VSIG10: variants seen among roughly 807,000 people sequenced by gnomAD.
VSIG10 encodes V-set and immunoglobulin domain containing 10.
Under a neutral mutation model 58.7 loss-of-function variants are expected in VSIG10, and 48 were observed. That is an observed-to-expected ratio of 0.82 (90% confidence interval 0.65 to 1.04). The LOEUF (loss-of-function observed/expected upper bound fraction) is 1.04. VSIG10 is among the 50% of genes least tolerant of loss of function. The pLI, the probability that VSIG10 is intolerant of heterozygous loss-of-function variation, is 0.00. For missense variants in VSIG10, 628 were observed against 670.0 expected, an observed-to-expected ratio of 0.94 and a Z score of 0.69; for synonymous variants, 260 against 267.1, an observed-to-expected ratio of 0.97 and a Z score of 0.26.
At chr12:118,070,365 T>C (rs192559723) in intron 7 of VSIG10, among the ~76,000 whole-genome samples, 54 of 151,926 alleles carry the variant, frequency 3.6e-4, no homozygotes, top group African/African-American at 1.2e-3. Context: ...CTGGGCAACA[T>C]GGTGAAACCC....
chr12:118,066,791 C>G, intron 8 of VSIG10, 97 bp from the exon 9 acceptor site: 3 of 1,326,838 alleles, frequency 2.3e-6, no homozygotes, highest in Non-Finnish European at 3.1e-6. Context: ...TAGTCCTTTC[C>G]TGGTGAGCCA....
rs188032041 is a variant in VSIG10, at chr12:118,076,891, G to A, written c.925+2455C>T. Among the ~76,000 whole-genome samples the A allele has an allele frequency of 6.6e-4, 100 of 151,990 alleles. 1 individual carries two copies. Among genetic ancestry groups the A allele is most frequent in the African/African-American group, 2.2e-3 (92 of 41,450 alleles). On this transcript the variant is annotated intron_variant, in intron 4 of 8. Transcript: ENST00000359236. ...CCAGGCTGGTCTCGAATTCCTAGCC[G>A]TAAGCTATCCTCCTGCCTCTGACTC...
intron 3 of VSIG10, 34 bp from the exon 4 acceptor site, chr12:118,079,640 C>A: frequency 6.2e-7 from 1 of 1,609,808 alleles, no homozygotes; most frequent in South Asian, 1.1e-5. Flanking sequence ...TGGGCTGAAT[C>A]ACAGACTCTA....
Position 118,079,568 on chromosome 12 carries a change from C to T in VSIG10, c.703G>A (p.Ala235Thr), listed in dbSNP as rs757127338. Residue 235 changes from alanine to threonine, a missense_variant, in exon 4 of 9, where the codon GCA becomes ACA. Transcript: ENST00000359236. The part of the protein sequence containing the change: ...PSAPQCWAQM[A>T]SGSFMLQLTC... The stretch of plus-strand genomic sequence containing the variant: ...AGCTGCAACATGAACGATCCTGATG[C>T]CATCTGTGCCCAGCACTGGGGAGCT... 1 of 1,614,026 alleles carries T rather than the reference C, an allele frequency of 6.2e-7. No individual in the cohort carries two copies. The highest frequency in any genetic ancestry group is 8.5e-7 in the Non-Finnish European group (1 of 1,179,904).
Position 118,067,166 on chromosome 12 carries a change from A to G in VSIG10, c.1568-472T>C, listed in dbSNP as rs550027410. 2.0e-5 allele frequency among the ~76,000 whole-genome samples: 3 copies of G among 152,152 alleles called. No homozygotes were observed. The South Asian group carries it at 6.2e-4, about 32-fold the overall frequency. ...CAGCCTCCCAAGTAGCTGGGGCTAC[A>G]GGTACATGCCACACACCCAGCTAAT... is the stretch of plus-strand genomic sequence containing the variant. On this transcript the variant is annotated intron_variant, in intron 8 of 8. Coordinates refer to ENST00000359236, the MANE Select transcript of VSIG10 (RefSeq NM_019086.6).
At chr12:118,082,603 C>T (rs1476276936) in intron 2 of VSIG10, among the ~76,000 whole-genome samples, 174 bp from the exon 3 acceptor site, 3 of 152,084 alleles carry the variant, frequency 2.0e-5, no homozygotes, top group Admixed American at 2.0e-4. Flanking sequence ...TCATTTAATC[C>T]TGGGTGACTA....
intron 2 of VSIG10, among the ~76,000 whole-genome samples, chr12:118,083,579 A>AAAAT (rs930311619): frequency 4.6e-5 from 7 of 152,038 alleles, no homozygotes; most frequent in Middle Eastern, 3.4e-3. Context: ...ACTTCATCTC[A>AAAAT]AAATAAATAA....
Position 118,082,329 on chromosome 12 carries a change from G to A in VSIG10, c.462C>T (p.Asn154=), listed in dbSNP as rs1380249209. 3.1e-6 allele frequency: 5 copies of A among 1,614,018 alleles called. No individual in the cohort carries two copies. The highest frequency in any genetic ancestry group is 2.2e-5 in the East Asian group (1 of 44,872). ...ARGSQVDFSC[N]SSSRPPPVVE... is the part of the protein sequence containing the mutation. The stretch of plus-strand genomic sequence containing the variant: ...CCACGGGTGGTGGCCTGGAGCTGCT[G>A]TTGCAGCTGAAGTCCACCTGGGAGC... The change falls in exon 3 of 9, where the codon AAC becomes AAT. Residue 154 remains asparagine (N), a synonymous_variant. Coordinates refer to ENST00000359236, the MANE Select transcript of VSIG10 (RefSeq NM_019086.6).
chr12:118,081,870 G>C (rs546193202), intron 3 of VSIG10, among the ~76,000 whole-genome samples: 1 of 152,140 alleles, frequency 6.6e-6, no homozygotes, highest in East Asian at 1.9e-4. Context: ...TACAAAATTA[G>C]CTGAGCGTGG....
At chr12:118,099,061 C>T (rs1033557587) in intron 1 of VSIG10, among the ~76,000 whole-genome samples, 1 of 151,426 alleles carries the variant, frequency 6.6e-6, no homozygotes, top group African/African-American at 2.4e-5. Context: ...TGTTAGCGAG[C>T]CCTCCAGGTG....
At chr12:118,098,398 C>T (rs1456275716) in intron 1 of VSIG10, among the ~76,000 whole-genome samples, 3 of 151,260 alleles carry the variant, frequency 2.0e-5, no homozygotes, top group African/African-American at 7.3e-5. Context: ...TCTGCCTCTC[C>T]ATCTCTCTCC....
chr12:118,071,346 A>G lies in VSIG10; in HGVS notation c.1330+13T>C, dbSNP rs144496556. ...GTCTGGAAGAGAAGCTAAAGGACCC[A>G]GGGAGTCCTTACCTTTCCAGCAGAA... is the stretch of plus-strand genomic sequence containing the variant. On this transcript the variant is annotated intron_variant, in intron 6 of 8. Transcript: ENST00000359236. 5,749 of 1,609,222 alleles carry G rather than the reference A, an allele frequency of 3.6e-3. 152 individuals carry two copies. In the African/African-American group the frequency reaches 0.065, roughly 18 times the overall value.
chr12:118,088,772 G>A (rs2137923417), intron 2 of VSIG10, among the ~76,000 whole-genome samples: 1 of 152,176 alleles, frequency 6.6e-6, no homozygotes, highest in Middle Eastern at 3.4e-3. Flanking sequence ...GAATCAAAGG[G>A]TATCTGTGTC....
At chr12:118,095,194 C>T (rs962395293) in intron 2 of VSIG10, among the ~76,000 whole-genome samples, 7 of 152,144 alleles carry the variant, frequency 4.6e-5, no homozygotes, top group African/African-American at 7.2e-5. Context: ...TAAGCCACCG[C>T]ACCCGGCCGG....
At chr12:118,101,009 G>A (rs1000602696) in intron 1 of VSIG10, among the ~76,000 whole-genome samples, 1 of 152,198 alleles carries the variant, frequency 6.6e-6, no homozygotes, top group Non-Finnish European at 1.5e-5. Flanking sequence ...GAAAAAAGCC[G>A]TGGTGAAACT....
In VSIG10 at chr12:118,068,314, C is replaced by T. The variant is rs1161115451; in HGVS notation, c.1567+63G>A. Reference sequence around the variant, plus strand: ...CCTCCCAAAGTGCTGGGATTATAGGCGTGAGCCAACGCGCCTTTTTTTGTT... The same window carrying T: ...CCTCCCAAAGTGCTGGGATTATAGGTGTGAGCCAACGCGCCTTTTTTTGTT... On this transcript the variant is annotated intron_variant, in intron 8 of 8. Transcript: ENST00000359236. 8 of 1,548,582 alleles carry T rather than the reference C, an allele frequency of 5.2e-6. No individual in the cohort carries two copies. The Admixed American group carries it at 5.4e-5, about 10-fold the overall frequency.
intron 8 of VSIG10, among the ~76,000 whole-genome samples, chr12:118,067,649 T>TG (rs35733246): frequency 0.31 from 47,539 of 151,528 alleles, 7,726 homozygotes; most frequent in East Asian, 0.39. Flanking sequence ...TTAGTAGAGA[T>TG]GGGGGTCTCA....
chr12:118,086,898 T>A (rs1301789991), intron 2 of VSIG10, among the ~76,000 whole-genome samples: 1 of 152,076 alleles, frequency 6.6e-6, no homozygotes, highest in African/African-American at 2.4e-5. Context: ...GTAGCTGAGA[T>A]GACAGGCGTG....
At chr12:118,093,168 G>A (rs945921098) in intron 2 of VSIG10, among the ~76,000 whole-genome samples, 4 of 151,564 alleles carry the variant, frequency 2.6e-5, no homozygotes, top group South Asian at 4.2e-4. Context: ...GTGTGGTGGC[G>A]GGCGCCTGCA....
Sources: allele counts gnomAD v4.1 joint callset (sites outside exome capture counted in the v4.1 genomes callset), GRCh38; gene constraint gnomAD v4.1.1; transcripts MANE v1.5; gene names NCBI Gene and HGNC (gene_info 2026-07-23, HGNC 2026-07-21).